MKRN1: variants seen among roughly 807,000 people sequenced by gnomAD.
MKRN1 encodes the protein E3 ubiquitin-protein ligase makorin-1.
In MKRN1, 9 loss-of-function variants were observed where a neutral mutation model predicts 55.5. The ratio of observed to expected loss-of-function variants is 0.16; its 90% CI spans 0.10 to 0.28. The LOEUF is 0.28. MKRN1 is among the 10% of genes least tolerant of loss of function. The probability of loss-of-function intolerance (pLI) is 1.00; values close to 1 mark genes in which losing one functional copy is unlikely to be tolerated. For synonymous variants in MKRN1, 253 were observed against 235.9 expected, an observed-to-expected ratio of 1.07 and a Z score of -0.66; for missense variants, 488 against 626.7, an observed-to-expected ratio of 0.78 and a Z score of 2.36.
In MKRN1 at chr7:140,456,279, T is replaced by A. The variant is rs942493248; in HGVS notation, c.986+373A>T. 18 of 1,166,430 alleles carry A rather than the reference T, an allele frequency of 1.5e-5. No homozygotes were observed. In the African/African-American group the frequency reaches 2.9e-4, roughly 19 times the overall value. The allele number at this position is 1,166,430 out of a possible 1,614,324, so 72.3% of individuals were successfully genotyped here. On this transcript the variant is annotated intron_variant, in intron 5 of 7. Coordinates refer to ENST00000255977, the MANE Select transcript of MKRN1 (RefSeq NM_013446.4). ...AGTTATGAGAACAATCTTTAAAGGA[T>A]GGTGGATTGTTGGCTAGCTTAATGA...
intron 6 of MKRN1, 84 bp downstream of exon 6, chr7:140,455,706 G>C: frequency 2.8e-6 from 3 of 1,070,406 alleles, no homozygotes; most frequent in Non-Finnish European, 4.3e-6. Context: ...GGAGGTAGGA[G>C]TGTATAATGC....
At chr7:140,459,296 G>C (rs927653771) in intron 3 of MKRN1, 63 bp from the exon 4 acceptor site, 91 of 1,527,056 alleles carry the variant, frequency 6.0e-5, no homozygotes, top group Non-Finnish European at 8.1e-5. Flanking sequence ...TAAGAGAACT[G>C]AGAATCTAAC....
chr7:140,454,226 C>G lies in MKRN1; in HGVS notation c.*291G>C. 1 of 400,106 alleles carries G rather than the reference C, an allele frequency of 2.5e-6. No individual in the cohort carries two copies. Among genetic ancestry groups the G allele is most frequent in the Non-Finnish European group, 4.7e-6 (1 of 212,540 alleles). The allele number at this position is 400,106 out of a possible 1,614,324, so 24.8% of individuals were successfully genotyped here. A position where few individuals can be genotyped will look rare whatever the true frequency, so the allele number is the denominator to read the frequency against. ...TGTGTGAAAAGTCCATAAATGCAAT[C>G]TGGTTGAAAACAGATGACGCAACAC... On this transcript the variant is annotated 3_prime_UTR_variant, in exon 8 of 8. Coordinates refer to ENST00000255977, the MANE Select transcript of MKRN1 (RefSeq NM_013446.4).
chr7:140,478,413 TCC>T (rs1459949789), intron 1 of MKRN1: 1 of 151,898 alleles, frequency 6.6e-6, no homozygotes, highest in Admixed American at 6.6e-5. Flanking sequence ...GCCCTTTCAC[TCC>T]CTTCGGAAGA....
chr7:140,463,711 T>C lies in MKRN1; in HGVS notation c.315-3775A>G, dbSNP rs373225924. 1.7e-3 allele frequency among the ~76,000 whole-genome samples: 255 copies of C among 151,886 alleles called. 3 individuals are homozygous for C. The highest frequency in any genetic ancestry group is 2.0e-3 in the African/African-American group (83 of 41,448). ...CCATCCTGGCTAACACGGTGAAACCTCGTCTCTACTAAAAATACAAAAAAT... is the reference window on the plus strand; with the variant it reads ...CCATCCTGGCTAACACGGTGAAACCCCGTCTCTACTAAAAATACAAAAAAT... On this transcript the variant is annotated intron_variant, in intron 2 of 7. Coordinates refer to ENST00000255977, the MANE Select transcript of MKRN1 (RefSeq NM_013446.4).
chr7:140,473,204 T>C, intron 1 of MKRN1: 4 of 405,512 alleles, frequency 9.9e-6, no homozygotes, highest in South Asian at 3.6e-5. Flanking sequence ...TTTTAAATGA[T>C]ACCACCAAAA....
upstream of MKRN1, chr7:140,479,506 G>T (rs1044764238): frequency 1.8e-5 from 13 of 723,454 alleles, no homozygotes; most frequent in Non-Finnish European, 2.5e-5. Context: ...GAGCGCTCTC[G>T]CCACTTCAAC....
chr7:140,457,922 C>G (rs1018558123), intron 4 of MKRN1, among the ~76,000 whole-genome samples: 1 of 152,052 alleles, frequency 6.6e-6, no homozygotes, highest in East Asian at 1.9e-4. Flanking sequence ...ATTATGTCTA[C>G]CTTATAACAT....
rs1006095959 is a variant in MKRN1, at chr7:140,479,238, G to A, written c.107C>T (p.Ala36Val). The A allele has an allele frequency of 3.5e-6, 5 of 1,442,266 alleles. No homozygotes were observed. Among genetic ancestry groups the A allele is most frequent in the South Asian group, 2.8e-5 (2 of 70,718 alleles). The allele number at this position is 1,442,266 out of a possible 1,614,324, so 89.3% of individuals were successfully genotyped here. Residue 36 changes from alanine (A) to valine (V), a missense_variant, in exon 1 of 8, where the codon GCC becomes GTC. Transcript: ENST00000255977. Reference protein sequence around the residue: ...ASPTPIPTVTAPSLGAGGGGG... With the variant: ...ASPTPIPTVTVPSLGAGGGGG... Reference sequence around the variant, plus strand: ...CCCTCCGCCCGCCCCCAGGGACGGGGCGGTGACTGTGGGGATCGGGGTGGG... The same window carrying A: ...CCCTCCGCCCGCCCCCAGGGACGGGACGGTGACTGTGGGGATCGGGGTGGG...
chr7:140,468,310 C>T (rs929890232), intron 2 of MKRN1, among the ~76,000 whole-genome samples: 2 of 152,108 alleles, frequency 1.3e-5, no homozygotes, highest in Admixed American at 1.3e-4. Context: ...AGCCTCAATA[C>T]CTGCAGAGAC....
At chr7:140,475,022 C>CTT (rs1429079882) in intron 1 of MKRN1, among the ~76,000 whole-genome samples, 1 of 151,890 alleles carries the variant, frequency 6.6e-6, no homozygotes, top group East Asian at 2.0e-4. Flanking sequence ...CCCAGCTGAT[C>CTT]TTTAAGTTAC....
chr7:140,464,144 T>C (rs1166300303), intron 2 of MKRN1, among the ~76,000 whole-genome samples: 4 of 151,798 alleles, frequency 2.6e-5, no homozygotes, highest in Non-Finnish European at 5.9e-5. Context: ...GTCTTTGAAC[T>C]CCTAACCTCA....
At chr7:140,474,324 T>A in intron 1 of MKRN1, 1 of 199,944 alleles carries the variant, frequency 5.0e-6, no homozygotes. Flanking sequence ...AGTGAAACCC[T>A]GTTTCTACTA....
intron 1 of MKRN1, among the ~76,000 whole-genome samples, chr7:140,477,198 A>T (rs1274949375): frequency 6.6e-6 from 1 of 152,136 alleles, no homozygotes; most frequent in Non-Finnish European, 1.5e-5. Flanking sequence ...AACCGAAAAC[A>T]ATGTCAAACA....
rs765294619 is a variant in MKRN1 at position 140,454,546 on chromosome 7, G to A, written c.1420C>T (p.Leu474=). Residue 474 remains leucine, a synonymous_variant, in exon 8 of 8, where the codon CTG becomes TTG. Transcript: ENST00000255977. ...AGATCCAAGTCATAAAAATCTTCCA[G>A]CTCATCATGAAACAAGTCCCACTCA... is the stretch of plus-strand genomic sequence containing the variant. ...EDEWDLFHDE[L]EDFYDLDL 10 of 1,612,576 alleles carry A rather than the reference G, an allele frequency of 6.2e-6. No homozygotes were observed. Among genetic ancestry groups the A allele is most frequent in the Non-Finnish European group, 8.5e-6 (10 of 1,179,814 alleles).
rs1467912248 is a variant in MKRN1, at chr7:140,455,236, G to A, written c.1098-3C>T. ...CAAAATACCTGCACGCCTTGTTGCT[G>A]GAAAGGAAAATATCGCAACCCTTAT... On this transcript the variant is annotated splice_region_variant and splice_polypyrimidine_tract_variant and intron_variant, in intron 6 of 7. Coordinates refer to ENST00000255977, the MANE Select transcript of MKRN1 (RefSeq NM_013446.4). 1.2e-6 allele frequency: 2 copies of A among 1,613,866 alleles called. No homozygotes were observed. The highest frequency in any genetic ancestry group is 1.7e-5 in the Admixed American group (1 of 59,908).
At chr7:140,469,527 C>T (rs1246464332) in intron 2 of MKRN1, among the ~76,000 whole-genome samples, 1 of 152,136 alleles carries the variant, frequency 6.6e-6, no homozygotes, top group African/African-American at 2.4e-5. Flanking sequence ...TCATAAAAGG[C>T]ATTGTGGCTT....
chr7:140,469,920 T>C (rs1794874802), intron 2 of MKRN1, among the ~76,000 whole-genome samples: 1 of 151,634 alleles, frequency 6.6e-6, no homozygotes, highest in South Asian at 2.1e-4. Context: ...TGGCGGTGCA[T>C]GCCTGTAATC....
Position 140,479,182 on chromosome 7 carries a change from AGCCGCCGCC to A in MKRN1, c.154_162del (p.Gly52_Gly54del). On this transcript the variant is annotated inframe_deletion, in exon 1 of 8. Coordinates refer to ENST00000255977, the MANE Select transcript of MKRN1 (RefSeq NM_013446.4). ...TACCTGCAGGTGACCTGTTTAGTCC[AGCCGCCGCC>A]GCTGCCGTCGCTGCCGCCGCCCCCT... The A allele has an allele frequency of 6.9e-7, 1 of 1,459,188 alleles. No individual in the cohort carries two copies. The highest frequency in any genetic ancestry group is 9.0e-7 in the Non-Finnish European group (1 of 1,107,834). 90.4% of individuals were successfully genotyped at this position (1,459,188 alleles called of 1,614,324 possible). A position where few individuals can be genotyped will look rare whatever the true frequency, so the allele number is the denominator to read the frequency against.
Sources: gnomAD v4.1 joint callset for allele counts (sites outside exome capture counted in the v4.1 genomes callset) on GRCh38, gnomAD v4.1.1 for gene constraint, MANE v1.5 for transcripts, NCBI Gene and HGNC (gene_info 2026-07-23, HGNC 2026-07-21) for gene names.